Variants in CLASP2 observed in about 807,000 individuals in gnomAD.
CLASP2 encodes the protein cytoplasmic linker associated protein 2.
A neutral mutation model predicts 194.4 loss-of-function variants in CLASP2; 47 were observed. The ratio of observed to expected loss-of-function variants is 0.24; its 90% CI spans 0.19 to 0.31. CLASP2 has a LOEUF of 0.31. Among genes scored for constraint, CLASP2 ranks in the 10% least tolerant of loss-of-function variants. The probability of loss-of-function intolerance (pLI) is 1.00; values close to 1 mark genes in which losing one functional copy is unlikely to be tolerated. For synonymous variants in CLASP2, 619 were observed against 633.5 expected (o/e 0.98, Z 0.34); for missense variants, 1,445 against 1,823.6 (o/e 0.79, Z 3.78).
At chr3:33,545,016 G>T in intron 30 of CLASP2, 175 bp from the exon 31 acceptor site, 1 of 441,442 alleles carries the variant, frequency 2.3e-6, no homozygotes, top group South Asian at 6.4e-5. Flanking sequence ...AAAAAATATT[G>T]ACCTACCTTT....
At chr3:33,541,160 C>A (rs772784267) in intron 32 of CLASP2, among the ~76,000 whole-genome samples, 1 of 152,036 alleles carries the variant, frequency 6.6e-6, no homozygotes, top group Non-Finnish European at 1.5e-5. Flanking sequence ...CAAAGGAATA[C>A]AAATCTTTCT....
chr3:33,549,300 C>T (rs1324988314), intron 30 of CLASP2, among the ~76,000 whole-genome samples: 3 of 152,036 alleles, frequency 2.0e-5, no homozygotes, highest in Non-Finnish European at 4.4e-5. Context: ...TTTCCAGTGT[C>T]TTATGGTGGT....
intron 11 of CLASP2, among the ~76,000 whole-genome samples, chr3:33,620,288 C>T (rs555661650): frequency 6.6e-6 from 1 of 152,244 alleles, no homozygotes; most frequent in Non-Finnish European, 1.5e-5. Context: ...TCTACCATAT[C>T]TTATTGGGTG....
intron 37 of CLASP2, chr3:33,505,379 G>A (rs2047895013): frequency 6.6e-6 from 1 of 152,160 alleles, no homozygotes. Flanking sequence ...GGGGATGGTA[G>A]GCAGTTAGGT....
rs1321549919 is a variant in CLASP2, at chr3:33,603,104, G to A, written c.1772C>T (p.Ala591Val). ...AGRVSAGSSK[A>V]SSLPGSLQRS... ...CTGCAGGCTTCCTGGAAGGGAACTG[G>A]CTTTGCTGCTGCCTGCTGATACTAC... The change falls in exon 18 of 39, where the codon GCC becomes GTC. Residue 591 changes from alanine to valine, a missense_variant. Coordinates refer to ENST00000682230, the MANE Select transcript of CLASP2 (RefSeq NM_001365631.1). The A allele has an allele frequency of 1.3e-6, 2 of 1,582,634 alleles. No individual in the cohort carries two copies. Among genetic ancestry groups the A allele is most frequent in the South Asian group, 1.1e-5 (1 of 87,138 alleles).
chr3:33,694,157 G>C (rs1279105623), intron 2 of CLASP2, among the ~76,000 whole-genome samples: 3 of 152,142 alleles, frequency 2.0e-5, no homozygotes, highest in Non-Finnish European at 4.4e-5. Context: ...TAGAAAGAGT[G>C]AGCAAGTTTC....
chr3:33,683,516 G>C (rs972167825), intron 6 of CLASP2: 1 of 152,266 alleles, frequency 6.6e-6, no homozygotes, highest in Non-Finnish European at 1.5e-5. Flanking sequence ...GCTGAGGTGA[G>C]AGGATGGCTT....
chr3:33,683,413 G>GC (rs2090132294), intron 6 of CLASP2: 1 of 152,200 alleles, frequency 6.6e-6, no homozygotes, highest in African/African-American at 2.4e-5. Flanking sequence ...TTCAAGACCA[G>GC]CCTGGGCAAC....
intron 37 of CLASP2, among the ~76,000 whole-genome samples, chr3:33,506,735 T>C (rs980394693): frequency 2.0e-5 from 3 of 152,172 alleles, no homozygotes; most frequent in Non-Finnish European, 4.4e-5. Context: ...ATCACATTTA[T>C]TAAAAATACT....
intron 34 of CLASP2, among the ~76,000 whole-genome samples, chr3:33,529,633 C>CATTAGT (rs1490590672): frequency 6.6e-6 from 1 of 152,132 alleles, no homozygotes; most frequent in Non-Finnish European, 1.5e-5. Context: ...TTAGTCTAGT[C>CATTAGT]CTACACAGGG....
At chr3:33,603,258 C>T (rs1267291481) in intron 17 of CLASP2, 133 bp from the exon 18 acceptor site, 1 of 890,046 alleles carries the variant, frequency 1.1e-6, no homozygotes, top group African/African-American at 1.7e-5. Flanking sequence ...ATGGACAGTA[C>T]TATTAAGCAT....
intron 8 of CLASP2, among the ~76,000 whole-genome samples, chr3:33,639,009 G>A (rs887263721): frequency 6.6e-6 from 1 of 152,190 alleles, no homozygotes; most frequent in East Asian, 1.9e-4. Flanking sequence ...GCAGAATAAT[G>A]GGCAGGTACT....
chr3:33,692,331 G>T (rs945291782), intron 2 of CLASP2, among the ~76,000 whole-genome samples: 1 of 152,094 alleles, frequency 6.6e-6, no homozygotes, highest in Admixed American at 6.5e-5. Context: ...TCATTCCTGA[G>T]AGGTGAAATT....
Position 33,622,145 on chromosome 3 carries a change from T to C in CLASP2, c.1171A>G (p.Ile391Val). ...LRSQVVREAC[I>V]TVAHLSTVLG... is the part of the protein sequence containing the mutation. ...AAGGAATATACTTACGCTACAGTAA[T>C]ACAAGCTTCTCTAACCACCTGGGAT... Residue 391 changes from isoleucine to valine, a missense_variant, in exon 11 of 39, where the codon ATT (isoleucine) becomes GTT (valine). Coordinates refer to ENST00000682230, the MANE Select transcript of CLASP2 (RefSeq NM_001365631.1). 4 of 1,588,280 alleles carry C rather than the reference T, an allele frequency of 2.5e-6. No homozygotes were observed. The highest frequency in any genetic ancestry group is 2.3e-5 in the East Asian group (1 of 44,204).
intron 22 of CLASP2, among the ~76,000 whole-genome samples, chr3:33,583,960 GTTAA>G (rs1255392817): frequency 2.0e-5 from 3 of 152,114 alleles, no homozygotes; most frequent in Non-Finnish European, 4.4e-5. Context: ...TCATAGCAAT[GTTAA>G]TTAGTCAATC....
intron 34 of CLASP2, among the ~76,000 whole-genome samples, chr3:33,517,554 C>T (rs976720614): frequency 1.3e-5 from 2 of 152,140 alleles, no homozygotes; most frequent in African/African-American, 4.8e-5. Context: ...GTATGTATTT[C>T]TATGGTTTCA....
intron 1 of CLASP2, among the ~76,000 whole-genome samples, chr3:33,714,202 T>C (rs1429986444): frequency 6.6e-6 from 1 of 152,162 alleles, no homozygotes; most frequent in African/African-American, 2.4e-5. Context: ...TTAACTGTAT[T>C]TTATGAGGCA....
chr3:33,549,055 G>A (rs1576284995), intron 30 of CLASP2, among the ~76,000 whole-genome samples: 1 of 144,858 alleles, frequency 6.9e-6, no homozygotes, highest in African/African-American at 2.9e-5. Context: ...CCACACCCAG[G>A]TGTTGGGATT....
rs749449481 is a variant in CLASP2, at chr3:33,713,774, C to T, written c.195+4034G>A. On this transcript the variant is annotated intron_variant, in intron 1 of 38. Coordinates refer to ENST00000682230, the MANE Select transcript of CLASP2 (RefSeq NM_001365631.1). The stretch of plus-strand genomic sequence containing the variant: ...TCACGGCTCACTGCAGTCTCAATAT[C>T]CTGGGCTAATTTTTTGGTAGAGATG... Among the ~76,000 whole-genome samples, 57 of 151,846 alleles carry T rather than the reference C, an allele frequency of 3.8e-4. 2 individuals carry two copies. The highest frequency in any genetic ancestry group is 3.1e-3 in the Admixed American group (47 of 15,260).
Sources: allele counts gnomAD v4.1 joint callset (sites outside exome capture counted in the v4.1 genomes callset), GRCh38; gene constraint gnomAD v4.1.1; transcripts MANE v1.5; gene names NCBI Gene and HGNC (gene_info 2026-07-23, HGNC 2026-07-21).